Variants in PRKG1 observed in about 807,000 individuals in gnomAD.
PRKG1 encodes cGMP-dependent protein kinase 1.
A neutral mutation model predicts 88.1 loss-of-function variants in PRKG1; 35 were observed. The observed-to-expected ratio is 0.40, with a 90% CI of 0.30 to 0.53. The LOEUF (loss-of-function observed/expected upper bound fraction) is 0.53, where lower values mean the gene tolerates loss of function less well. PRKG1 is among the 20% of genes least tolerant of loss of function. The pLI, the probability that PRKG1 is intolerant of heterozygous loss-of-function variation, is 0.59. For synonymous variants in PRKG1, 303 were observed against 292.5 expected (o/e 1.04, Z -0.37); for missense variants, 540 against 839.8 (o/e 0.64, Z 4.41).
At chr10:51,482,127 C>T (rs1226469104) in intron 3 of PRKG1, among the ~76,000 whole-genome samples, 2 of 152,054 alleles carry the variant, frequency 1.3e-5, no homozygotes, top group African/African-American at 4.8e-5. Context: ...TTCAACCTTC[C>T]CTTACTCCAG....
intron 1 of PRKG1, among the ~76,000 whole-genome samples, chr10:51,021,621 C>T (rs1284678318): frequency 6.6e-6 from 1 of 152,090 alleles, no homozygotes; most frequent in Non-Finnish European, 1.5e-5. Flanking sequence ...TTTTTTTCCT[C>T]CTAATCTAAT....
intron 5 of PRKG1, among the ~76,000 whole-genome samples, chr10:52,019,315 C>G (rs1471379716): frequency 6.6e-6 from 1 of 152,190 alleles, no homozygotes; most frequent in Non-Finnish European, 1.5e-5. Context: ...TAGCAGGATC[C>G]TACCCTCTTA....
intron 1 of PRKG1, among the ~76,000 whole-genome samples, chr10:51,010,538 A>G (rs1026276037): frequency 2.0e-5 from 3 of 152,208 alleles, no homozygotes; most frequent in Non-Finnish European, 2.9e-5. Flanking sequence ...TATCCTAACT[A>G]TAATATAAAC....
At chr10:51,132,282 C>T (rs188024953) in intron 1 of PRKG1, among the ~76,000 whole-genome samples, 15 of 152,254 alleles carry the variant, frequency 9.9e-5, no homozygotes, top group Admixed American at 9.8e-4. Context: ...AGGCTACTTG[C>T]CCTAATGCAG....
chr10:51,551,100 G>A (rs1202574778), intron 3 of PRKG1, among the ~76,000 whole-genome samples: 1 of 151,804 alleles, frequency 6.6e-6, no homozygotes, highest in Admixed American at 6.6e-5. Context: ...TATGTTCTGT[G>A]TGCAATGGTA....
intron 3 of PRKG1, among the ~76,000 whole-genome samples, chr10:51,757,043 A>G (rs1051047437): frequency 3.3e-5 from 5 of 151,780 alleles, no homozygotes; most frequent in African/African-American, 1.2e-4. Flanking sequence ...TCAGTGGCCT[A>G]CTTCATTTTA....
intron 1 of PRKG1, among the ~76,000 whole-genome samples, chr10:51,122,174 G>A (rs1191103528): frequency 2.0e-5 from 3 of 152,130 alleles, no homozygotes; most frequent in Non-Finnish European, 2.9e-5. Flanking sequence ...AGCCTTCTTC[G>A]GAAGTCCCTT....
At chr10:51,617,061 C>T (rs1383541101) in intron 3 of PRKG1, among the ~76,000 whole-genome samples, 1 of 152,104 alleles carries the variant, frequency 6.6e-6, no homozygotes, top group East Asian at 1.9e-4. Flanking sequence ...CCCTCTGGAG[C>T]AATGCCATTG....
At chr10:51,751,628 A>C (rs900157821) in intron 3 of PRKG1, among the ~76,000 whole-genome samples, 3 of 152,220 alleles carry the variant, frequency 2.0e-5, no homozygotes, top group African/African-American at 7.2e-5. Flanking sequence ...TTTATTGTCT[A>C]TCTAAAATTC....
intron 3 of PRKG1, among the ~76,000 whole-genome samples, chr10:51,619,149 G>A (rs1239720125): frequency 6.6e-6 from 1 of 152,078 alleles, no homozygotes; most frequent in East Asian, 1.9e-4. Flanking sequence ...TCCAGAGGAA[G>A]TGGTGAGGGG....
intron 1 of PRKG1, among the ~76,000 whole-genome samples, chr10:51,132,768 A>G (rs1301567647): frequency 3.3e-5 from 5 of 149,420 alleles, no homozygotes; most frequent in African/African-American, 1.2e-4. Context: ...GTTCTTGTTA[A>G]AAAGGCAGAT....
At chr10:51,485,637 C>T (rs1840512202) in intron 3 of PRKG1, among the ~76,000 whole-genome samples, 1 of 152,166 alleles carries the variant, frequency 6.6e-6, no homozygotes, top group Admixed American at 6.6e-5. Flanking sequence ...TGAGGCTCTA[C>T]TAAAATGTTA....
chr10:52,011,189 CT>C (rs1844869758), intron 5 of PRKG1, among the ~76,000 whole-genome samples: 1 of 152,170 alleles, frequency 6.6e-6, no homozygotes, highest in South Asian at 2.1e-4. Flanking sequence ...TCACACAGAA[CT>C]TTTTTCCCTT....
At chr10:52,062,659 T>A (rs1846265166) in intron 7 of PRKG1, 28 bp downstream of exon 7, 4 of 1,513,348 alleles carry the variant, frequency 2.6e-6, no homozygotes, top group Non-Finnish European at 3.6e-6. Flanking sequence ...TATACAGGTT[T>A]TTGTTTGAGT....
intron 5 of PRKG1, among the ~76,000 whole-genome samples, chr10:51,925,105 G>A (rs1349415380): frequency 6.6e-6 from 1 of 151,290 alleles, no homozygotes; most frequent in African/African-American, 2.4e-5. Flanking sequence ...TTGCTTTTAT[G>A]TTTTGCCTTT....
intron 3 of PRKG1, among the ~76,000 whole-genome samples, chr10:51,478,206 G>A (rs1390425497): frequency 1.3e-5 from 2 of 152,028 alleles, no homozygotes; most frequent in Non-Finnish European, 2.9e-5. Flanking sequence ...ACGAATAGAT[G>A]GCTATTGAGC....
chr10:51,961,473 A>G (rs971697906), intron 5 of PRKG1, among the ~76,000 whole-genome samples: 9 of 152,226 alleles, frequency 5.9e-5, no homozygotes, highest in African/African-American at 2.2e-4. Flanking sequence ...TGTGGTATAT[A>G]TGGTTGCAGG....
intron 1 of PRKG1, among the ~76,000 whole-genome samples, chr10:51,032,683 C>T (rs560741659): frequency 5.9e-5 from 9 of 152,138 alleles, no homozygotes; most frequent in Non-Finnish European, 1.2e-4. Context: ...CACTTGAACC[C>T]GGGAGGCAGA....
intron 2 of PRKG1, among the ~76,000 whole-genome samples, chr10:51,335,148 G>A (rs1000559212): frequency 6.6e-6 from 1 of 151,630 alleles, no homozygotes; most frequent in Non-Finnish European, 1.5e-5. Flanking sequence ...GAGGAGCTGG[G>A]ACTACAGGCG....
Sources: allele counts gnomAD v4.1 joint callset (sites outside exome capture counted in the v4.1 genomes callset), GRCh38; gene constraint gnomAD v4.1.1; transcripts MANE v1.5; gene names NCBI Gene and HGNC (gene_info 2026-07-23, HGNC 2026-07-21).